Variants in PEX13 observed in about 807,000 individuals in gnomAD.
PEX13 encodes peroxisomal biogenesis factor 13, also known as peroxisome biogenesis factor 13.
A neutral mutation model predicts 34.5 loss-of-function variants in PEX13; 28 were observed. The ratio of observed to expected loss-of-function variants is 0.81; its 90% CI spans 0.60 to 1.11. The LOEUF is 1.11. Ranked by LOEUF, PEX13 falls within the 50% of genes most tolerant of loss-of-function variation. The pLI is 0.00. For synonymous variants in PEX13, 177 were observed against 175.1 expected, an observed-to-expected ratio of 1.01 and a Z score of -0.09; for missense variants, 550 against 491.0, an observed-to-expected ratio of 1.12 and a Z score of -1.13.
chr2:61,046,360 C>A (rs999067509), intron 3 of PEX13, among the ~76,000 whole-genome samples: 1 of 152,062 alleles, frequency 6.6e-6, no homozygotes, highest in African/African-American at 2.4e-5. Context: ...TATTTTTGGA[C>A]CAAGTCACTG....
intron 1 of PEX13, chr2:61,018,501 A>G: frequency 1.9e-6 from 1 of 520,844 alleles, no homozygotes; most frequent in East Asian, 3.6e-5. Context: ...AATCAGTATC[A>G]GTTGGTTTCT....
intron 2 of PEX13, among the ~76,000 whole-genome samples, chr2:61,036,294 C>G (rs1394429744): frequency 3.3e-5 from 5 of 152,138 alleles, no homozygotes; most frequent in African/African-American, 4.8e-5. Flanking sequence ...CAGGAAGATA[C>G]TCCTCGAGAA....
intron 2 of PEX13, among the ~76,000 whole-genome samples, chr2:61,034,676 G>T (rs905842814): frequency 4.6e-5 from 7 of 152,222 alleles, no homozygotes; most frequent in African/African-American, 7.2e-5. Context: ...GGCTCGGCAG[G>T]TCCCATGCCC....
At chr2:61,040,905 A>T (rs1204565017) in intron 2 of PEX13, among the ~76,000 whole-genome samples, 1 of 151,032 alleles carries the variant, frequency 6.6e-6, no homozygotes, top group Non-Finnish European at 1.5e-5. Context: ...TTTACTAAGA[A>T]TGGTTTTTAG....
At chr2:61,032,887 T>A (rs1466042491) in intron 2 of PEX13, among the ~76,000 whole-genome samples, 1 of 152,174 alleles carries the variant, frequency 6.6e-6, no homozygotes, top group Non-Finnish European at 1.5e-5. Flanking sequence ...GCAGAAAATA[T>A]GAGATTTATT....
chr2:61,024,206 G>C (rs1345765554), intron 1 of PEX13, among the ~76,000 whole-genome samples: 1 of 152,126 alleles, frequency 6.6e-6, no homozygotes. Context: ...GCTTTGTTAG[G>C]CCTCAGTGTG....
At chr2:61,039,034 C>T (rs1268557697) in intron 2 of PEX13, among the ~76,000 whole-genome samples, 1 of 152,148 alleles carries the variant, frequency 6.6e-6, no homozygotes, top group Non-Finnish European at 1.5e-5. Context: ...ATCCAACTTA[C>T]AAGGGATGTG....
intron 2 of PEX13, among the ~76,000 whole-genome samples, chr2:61,040,203 G>A (rs930737177): frequency 1.9e-4 from 29 of 152,176 alleles, no homozygotes; most frequent in Non-Finnish European, 5.9e-5. Flanking sequence ...TCTAGAACTA[G>A]AAATACCGTT....
intron 2 of PEX13, among the ~76,000 whole-genome samples, chr2:61,040,477 A>G (rs964699629): frequency 1.3e-5 from 2 of 152,086 alleles, no homozygotes; most frequent in Non-Finnish European, 2.9e-5. Flanking sequence ...CCAGCAAACT[A>G]TCATAAGGAC....
intron 2 of PEX13, among the ~76,000 whole-genome samples, chr2:61,041,323 C>T (rs921749163): frequency 1.3e-5 from 2 of 151,804 alleles, no homozygotes; most frequent in African/African-American, 4.8e-5. Flanking sequence ...AGCAAGACCC[C>T]GTCTCAAAAT....
At chr2:61,037,948 A>C (rs560816111) in intron 2 of PEX13, among the ~76,000 whole-genome samples, 1 of 152,358 alleles carries the variant, frequency 6.6e-6, no homozygotes, top group East Asian at 1.9e-4. Context: ...ACAGAAATAC[A>C]AACTACCATC....
chr2:61,024,789 A>C (rs1559030091), intron 1 of PEX13, among the ~76,000 whole-genome samples: 1 of 152,292 alleles, frequency 6.6e-6, no homozygotes, highest in South Asian at 2.1e-4. Flanking sequence ...AGCCTGGGCA[A>C]CAGAGTGAGA....
Position 61,050,056 on chromosome 2 carries a change from C to A in PEX13, c.*1286C>A, listed in dbSNP as rs1680770355. ...TTTCTTTTAGGTTTAGTTTTTACTACTGAGACTTATTTATAGTCTTAGTGC... is the reference window on the plus strand; with the variant it reads ...TTTCTTTTAGGTTTAGTTTTTACTAATGAGACTTATTTATAGTCTTAGTGC... On this transcript the variant is annotated 3_prime_UTR_variant, in exon 4 of 4. Transcript: ENST00000295030. 1 of 152,226 alleles carries A rather than the reference C, an allele frequency of 6.6e-6. No homozygotes were observed. The highest frequency in any genetic ancestry group is 1.5e-5 in the Non-Finnish European group (1 of 68,028). 9.4% of individuals were successfully genotyped at this position (152,226 alleles called of 1,614,324 possible). A position where few individuals can be genotyped will look rare whatever the true frequency, so the allele number is the denominator to read the frequency against.
chr2:61,020,717 C>T (rs1462647211), intron 1 of PEX13, among the ~76,000 whole-genome samples: 1 of 152,042 alleles, frequency 6.6e-6, no homozygotes, highest in Non-Finnish European at 1.5e-5. Flanking sequence ...TGCAGAGACG[C>T]AATCTTGGCT....
At chr2:61,018,257 C>G (rs765172987) in intron 1 of PEX13, 11 of 1,550,964 alleles carry the variant, frequency 7.1e-6, no homozygotes, top group African/African-American at 4.1e-5. Context: ...AAAGTCTCTC[C>G]TTAAAGGTGT....
intron 1 of PEX13, among the ~76,000 whole-genome samples, chr2:61,021,226 C>T (rs576458176): frequency 1.3e-5 from 2 of 152,262 alleles, no homozygotes; most frequent in Non-Finnish European, 2.9e-5. Flanking sequence ...ATCACCTCAC[C>T]CAGGAAGCGC....
chr2:61,036,126 A>G (rs1299448351), intron 2 of PEX13, among the ~76,000 whole-genome samples: 4 of 152,202 alleles, frequency 2.6e-5, no homozygotes, highest in African/African-American at 9.7e-5. Context: ...GAAATACGGG[A>G]CTATGTGAAA....
intron 1 of PEX13, among the ~76,000 whole-genome samples, chr2:61,020,989 T>C (rs539461129): frequency 6.6e-6 from 1 of 152,306 alleles, no homozygotes; most frequent in South Asian, 2.1e-4. Context: ...TGAAGAAATA[T>C]TAAATTTTAT....
intron 2 of PEX13, among the ~76,000 whole-genome samples, chr2:61,036,889 C>G (rs781706102): frequency 1.3e-5 from 2 of 152,084 alleles, no homozygotes; most frequent in East Asian, 3.9e-4. Context: ...AGACCCATCT[C>G]TTGTTCAAAG....
Sources: allele counts gnomAD v4.1 joint callset (sites outside exome capture counted in the v4.1 genomes callset), GRCh38; gene constraint gnomAD v4.1.1; transcripts MANE v1.5; gene names NCBI Gene and HGNC (gene_info 2026-07-23, HGNC 2026-07-21).